Variants in ADGRV1 observed in about 807,000 individuals in gnomAD.
ADGRV1 encodes G-protein coupled receptor 98.
In ADGRV1, 359 loss-of-function variants were observed where a neutral mutation model predicts 596.2. The ratio of observed to expected loss-of-function variants is 0.60; its 90% CI spans 0.55 to 0.66. ADGRV1 has a LOEUF of 0.66. Ranked by LOEUF, ADGRV1 falls within the 30% of genes least tolerant of loss-of-function variation. The pLI, the probability that ADGRV1 is intolerant of heterozygous loss-of-function variation, is 0.00. For missense variants in ADGRV1, 7,274 were observed against 7,575.6 expected (o/e 0.96, Z 1.48); for synonymous variants, 2,681 against 2,679.2 (o/e 1.00, Z -0.02).
chr5:90,735,088 A>G (rs919347598), intron 50 of ADGRV1, among the ~76,000 whole-genome samples: 3 of 152,206 alleles, frequency 2.0e-5, no homozygotes, highest in Non-Finnish European at 2.9e-5. Context: ...TCTGGAGTCA[A>G]TCAAAAAATC....
At position 90,982,399 on chromosome 5, in the gene ADGRV1, T is replaced by TA. The variant is rs1491559630; in HGVS notation, c.17974-2937dup. The stretch of plus-strand genomic sequence containing the variant: ...TGCTCCACCATCTTCTTTTGGTTTT[T>TA]AAAAAAAATGGCAGTAACTAGAGAT... On this transcript the variant is annotated intron_variant, in intron 84 of 89. Transcript: ENST00000405460. 4.6e-5 allele frequency among the ~76,000 whole-genome samples: 7 copies of TA among 152,224 alleles called. No homozygotes were observed. The South Asian group carries it at 8.3e-4, about 18-fold the overall frequency.
At chr5:90,736,053 G>C (rs1040921769) in intron 50 of ADGRV1, among the ~76,000 whole-genome samples, 1 of 152,072 alleles carries the variant, frequency 6.6e-6, no homozygotes, top group Non-Finnish European at 1.5e-5. Flanking sequence ...GTCTTGGCCA[G>C]GATCTTGGAG....
intron 1 of ADGRV1, among the ~76,000 whole-genome samples, chr5:90,590,557 G>A (rs1315028581): frequency 1.3e-5 from 2 of 152,154 alleles, no homozygotes; most frequent in Non-Finnish European, 2.9e-5. Context: ...GGACTGGGCA[G>A]AAACTTCAAA....
At chr5:90,775,754 A>G (rs1323569889) in intron 60 of ADGRV1, among the ~76,000 whole-genome samples, 2 of 152,142 alleles carry the variant, frequency 1.3e-5, no homozygotes, top group African/African-American at 4.8e-5. Flanking sequence ...TTGGGATTAC[A>G]GGTATGATCC....
chr5:90,588,600 G>A (rs987183195), intron 1 of ADGRV1, among the ~76,000 whole-genome samples: 10 of 152,240 alleles, frequency 6.6e-5, no homozygotes, highest in Non-Finnish European at 1.0e-4. Context: ...TTCAGCAAAG[G>A]AGGCAGAGGG....
chr5:90,925,160 C>A (rs575720983), intron 83 of ADGRV1, among the ~76,000 whole-genome samples: 1 of 152,176 alleles, frequency 6.6e-6, no homozygotes, highest in South Asian at 2.1e-4. Context: ...TTTTCCAATT[C>A]TGTGAAGAAA....
intron 77 of ADGRV1, among the ~76,000 whole-genome samples, chr5:90,836,401 G>T (rs567995147): frequency 2.2e-4 from 34 of 151,584 alleles, no homozygotes; most frequent in African/African-American, 7.3e-4. Flanking sequence ...CTAATAATAA[G>T]AAACATACTA....
At position 90,657,969 on chromosome 5, in the gene ADGRV1, G is replaced by A; in HGVS notation, c.4443G>A (p.Gln1481=). 7.4e-6 allele frequency: 12 copies of A among 1,613,908 alleles called. No individual in the cohort carries two copies. Among genetic ancestry groups the A allele is most frequent in the Non-Finnish European group, 1.0e-5 (12 of 1,179,824 alleles). ...ATGACAGATTTACAGGTCTGATGCAGGATGTGAGGTCCTATGAGCGGAAAC... is the reference window on the plus strand; with the variant it reads ...ATGACAGATTTACAGGTCTGATGCAAGATGTGAGGTCCTATGAGCGGAAAC... ...NGNDRFTGLM[Q]DVRSYERKLT... is the part of the protein sequence containing the mutation. Residue 1481 remains glutamine (Q), a synonymous_variant, in exon 21 of 90, where the codon CAG becomes CAA. Transcript: ENST00000405460.
At chr5:90,898,650 A>G (rs559401298) in intron 83 of ADGRV1, among the ~76,000 whole-genome samples, 2 of 152,302 alleles carry the variant, frequency 1.3e-5, no homozygotes, top group East Asian at 3.9e-4. Flanking sequence ...ATAAGTTTAC[A>G]TGCTAGAAAC....
chr5:90,765,966 G>A (rs927185116), intron 59 of ADGRV1, among the ~76,000 whole-genome samples: 1 of 151,790 alleles, frequency 6.6e-6, no homozygotes, highest in Admixed American at 6.6e-5. Context: ...CTGGAGTGCA[G>A]TGGCGCGATC....
At chr5:90,631,679 G>A (rs533418514) in intron 9 of ADGRV1, among the ~76,000 whole-genome samples, 1 of 152,224 alleles carries the variant, frequency 6.6e-6, no homozygotes, top group East Asian at 1.9e-4. Context: ...TAGGGAACAC[G>A]GCTCTATTCA....
chr5:90,745,299 G>A (rs1754488614), intron 51 of ADGRV1, 34 bp downstream of exon 51: 2 of 1,329,118 alleles, frequency 1.5e-6, no homozygotes. Flanking sequence ...GTATCTTTAT[G>A]TTCACTGTAA....
intron 9 of ADGRV1, among the ~76,000 whole-genome samples, chr5:90,632,795 A>G (rs566745763): frequency 6.6e-6 from 1 of 152,292 alleles, no homozygotes; most frequent in South Asian, 2.1e-4. Flanking sequence ...TATAGTTAAA[A>G]CCAAAGGTCT....
chr5:91,090,687 A>G (rs745590124), intron 86 of ADGRV1, among the ~76,000 whole-genome samples: 1 of 151,900 alleles, frequency 6.6e-6, no homozygotes, highest in Non-Finnish European at 1.5e-5. Flanking sequence ...ACATATCAGT[A>G]AGGGTCAGGG....
chr5:91,151,967 C>T (rs927556440), intron 88 of ADGRV1, among the ~76,000 whole-genome samples: 1 of 152,208 alleles, frequency 6.6e-6, no homozygotes, highest in Non-Finnish European at 1.5e-5. Flanking sequence ...TTTGCTGTTT[C>T]TCAGAACACC....
At chr5:90,900,494 CT>C (rs1222417282) in intron 83 of ADGRV1, among the ~76,000 whole-genome samples, 4 of 151,974 alleles carry the variant, frequency 2.6e-5, no homozygotes, top group Non-Finnish European at 5.9e-5. Context: ...TTTTGTTTTG[CT>C]TTTTCATTTG....
intron 1 of ADGRV1, among the ~76,000 whole-genome samples, chr5:90,569,094 G>A (rs1001434010): frequency 6.6e-6 from 1 of 152,020 alleles, no homozygotes; most frequent in African/African-American, 2.4e-5. Context: ...ACAAGCATGT[G>A]AGACAGAGAG....
rs895079652 is a variant in ADGRV1, at chr5:90,805,396, G to T, written c.14774G>T (p.Gly4925Val). ...GCTCTCTCGGTTGCCTGGACCACTG[G>T]ATATGCTCCTGGGTTAGAAATTCCT... ...YGALSVAWTT[G>V]YAPGLEIPEF... The change falls in exon 72 of 90, where the codon GGA becomes GTA. Residue 4925 changes from glycine (G) to valine (V), a missense_variant. Physicochemically the swap from Gly to Val is moderately radical, Grantham distance 109 (BLOSUM62 -3). This residue lies in a region of ADGRV1 where 1,874 missense variants were observed against 1,970.2 expected (regional missense o/e 0.95). Transcript: ENST00000405460. The T allele has an allele frequency of 5.6e-6, 9 of 1,608,828 alleles. No individual in the cohort carries two copies. The highest frequency in any genetic ancestry group is 6.0e-6 in the Non-Finnish European group (7 of 1,175,730).
chr5:90,781,621 T>C (rs748980205), intron 65 of ADGRV1, 43 bp downstream of exon 65: 22 of 1,555,524 alleles, frequency 1.4e-5, no homozygotes, highest in Non-Finnish European at 1.9e-5. Flanking sequence ...TACTACCACT[T>C]TCCAAATTAC....
Sources: allele counts gnomAD v4.1 joint callset (sites outside exome capture counted in the v4.1 genomes callset), GRCh38; gene constraint gnomAD v4.1.1; regional missense constraint gnomAD v4.1.1; transcripts MANE v1.5; gene names NCBI Gene and HGNC (gene_info 2026-07-23, HGNC 2026-07-21).